The following NOS1 variants were observed in gnomAD, a reference collection of about 807,000 sequenced individuals.
The protein encoded by NOS1 is NOS type I.
Under a neutral mutation model 164.5 loss-of-function variants are expected in NOS1, and 51 were observed. That is an observed-to-expected ratio of 0.31 (90% CI 0.25 to 0.39). The LOEUF (loss-of-function observed/expected upper bound fraction) is 0.39. NOS1 is among the 10% of genes least tolerant of loss of function. The probability of loss-of-function intolerance (pLI) is 1.00; values close to 1 mark genes in which losing one functional copy is unlikely to be tolerated. For synonymous variants in NOS1, 719 were observed against 745.8 expected, an observed-to-expected ratio of 0.96 and a Z score of 0.59; for missense variants, 1,362 against 1,885.6, an observed-to-expected ratio of 0.72 and a Z score of 5.14.
intron 16 of NOS1, among the ~76,000 whole-genome samples, chr12:117,256,584 G>A (rs1871476603): frequency 6.6e-6 from 1 of 151,746 alleles, no homozygotes; most frequent in Admixed American, 6.6e-5. Flanking sequence ...GGCCTCAGAA[G>A]GGATTTTCTG....
At position 117,360,331 on chromosome 12, in the gene NOS1, G is replaced by C. The variant is rs557845635; in HGVS notation, c.-421+1181C>G. Reference sequence around the variant, plus strand: ...GAGAGCCCCTTCCGGGACCTCGGACGCAAGGCCCCTGAGTGGCCCTGGAAG... The same window carrying C: ...GAGAGCCCCTTCCGGGACCTCGGACCCAAGGCCCCTGAGTGGCCCTGGAAG... On this transcript the variant is annotated intron_variant, in intron 1 of 28. Transcript: ENST00000317775. 5.9e-5 allele frequency among the ~76,000 whole-genome samples: 9 copies of C among 152,236 alleles called. No homozygotes were observed. The South Asian group carries it at 1.9e-3, about 32-fold the overall frequency.
intron 3 of NOS1, among the ~76,000 whole-genome samples, chr12:117,299,650 G>GA (rs1347905279): frequency 5.2e-5 from 7 of 133,722 alleles, no homozygotes; most frequent in Non-Finnish European, 9.2e-5. Context: ...AAAAAAAAAA[G>GA]AAAAAAAGAA....
At chr12:117,288,810 G>A (rs1872867930) in intron 4 of NOS1, among the ~76,000 whole-genome samples, 2 of 152,102 alleles carry the variant, frequency 1.3e-5, no homozygotes, top group African/African-American at 4.8e-5. Flanking sequence ...GCAACTACAT[G>A]TGAACAAGCC....
In NOS1 at chr12:117,225,120, A is replaced by T; in HGVS notation, c.3722T>A (p.Leu1241Gln). 1.2e-6 allele frequency: 2 copies of T among 1,613,398 alleles called. No individual in the cohort carries two copies. The highest frequency in any genetic ancestry group is 1.7e-6 in the Non-Finnish European group (2 of 1,179,606). Residue 1241 changes from leucine to glutamine, a missense_variant, in exon 25 of 29, where the codon CTG becomes CAG. Physicochemically the swap from Leu to Gln is moderately radical, Grantham distance 113. Coordinates refer to ENST00000317775, the MANE Select transcript of NOS1 (RefSeq NM_000620.5). ...GCAGGGGACTTGGGGGTTCCGGGGCAGGTGGAAGCTGGGTGCTCTGGGCAA... is the reference window on the plus strand; with the variant it reads ...GCAGGGGACTTGGGGGTTCCGGGGCTGGTGGAAGCTGGGTGCTCTGGGCAA... ...CFVRGAPSFH[L>Q]PRNPQVPCIL...
In NOS1 at chr12:117,272,640, GC is replaced by G; in HGVS notation, c.1665-82del. Reference sequence around the variant, plus strand: ...AGCTTGAATCTAGAGATGCTGAAATGCCAAGGATGGACTGGGACTGACAAGG... The same window carrying G: ...AGCTTGAATCTAGAGATGCTGAAATGCAAGGATGGACTGGGACTGACAAGG... On this transcript the variant is annotated intron_variant, in intron 9 of 28. Coordinates refer to ENST00000317775, the MANE Select transcript of NOS1 (RefSeq NM_000620.5). The surrounding 1 kb of genome is among the most constrained non-coding windows in gnomAD (Gnocchi z 4.3). 1 of 1,346,874 alleles carries G rather than the reference GC, an allele frequency of 7.4e-7. No individual in the cohort carries two copies. Among genetic ancestry groups the G allele is most frequent in the East Asian group, 2.3e-5 (1 of 42,950 alleles). 83.4% of individuals were successfully genotyped at this position (1,346,874 alleles called of 1,614,324 possible).
chr12:117,356,032 G>A lies in NOS1; in HGVS notation c.-421+5480C>T, dbSNP rs575693561. ...CTCCCAAAGTGTTGGGATTACAGGC[G>A]TGAGCCACTGTGTCTGGCTGGCTCT... is the stretch of plus-strand genomic sequence containing the variant. On this transcript the variant is annotated intron_variant, in intron 1 of 28. Transcript: ENST00000317775. The surrounding 1 kb of genome is among the most constrained non-coding windows in gnomAD (Gnocchi z 4.2). Among the ~76,000 whole-genome samples the A allele has an allele frequency of 5.3e-5, 8 of 152,300 alleles. No homozygotes were observed. The South Asian group carries it at 6.2e-4, about 12-fold the overall frequency.
chr12:117,330,741 G>A lies in NOS1; in HGVS notation c.329C>T (p.Thr110Ile). 5 of 1,614,080 alleles carry A rather than the reference G, an allele frequency of 3.1e-6. No individual in the cohort carries two copies. The highest frequency in any genetic ancestry group is 4.2e-6 in the Non-Finnish European group (5 of 1,179,984). Residue 110 changes from threonine to isoleucine, a missense_variant, in exon 2 of 29, where the codon ACC becomes ATC. This residue lies in a region of NOS1 where 362 missense variants were observed against 402.0 expected (regional missense o/e 0.90). Transcript: ENST00000317775. This position sits in a 1 kb window ranked among gnomAD's most constrained non-coding sequence, Gnocchi z 4.6. ...CTTGGGGGTCCCATCACCTGTAAAG[G>A]TGGTCTCCAGGTGCGTGGTGAAACC... is the stretch of plus-strand genomic sequence containing the variant. ...PEGFTTHLET[T>I]FTGDGTPKTI...
Position 117,209,670 on chromosome 12 carries a change from G to A in NOS1, c.*5639C>T, listed in dbSNP as rs1003366156. 1 of 985,344 alleles carries A rather than the reference G, an allele frequency of 1.0e-6. No individual in the cohort carries two copies. The highest frequency in any genetic ancestry group is 1.2e-6 in the Non-Finnish European group (1 of 829,948). The allele number at this position is 985,344 out of a possible 1,614,324, so 61.0% of individuals were successfully genotyped here. On this transcript the variant is annotated 3_prime_UTR_variant, in exon 29 of 29. Coordinates refer to ENST00000317775, the MANE Select transcript of NOS1 (RefSeq NM_000620.5). ...ACAGCTGACCACCTCCCTCGCACAT[G>A]GCTTTGATAAGTATTAATAGGAAAC...
At chr12:117,336,829 C>T (rs1246588376) in intron 1 of NOS1, among the ~76,000 whole-genome samples, 2 of 152,154 alleles carry the variant, frequency 1.3e-5, no homozygotes, top group Admixed American at 6.5e-5. Flanking sequence ...CAGGGTCTCA[C>T]TCTGTCACCC....
chr12:117,360,166 G>T (rs957166676), intron 1 of NOS1, among the ~76,000 whole-genome samples: 2 of 151,712 alleles, frequency 1.3e-5, no homozygotes, highest in African/African-American at 2.4e-5. Context: ...CTCCTCGGCT[G>T]CCTTCTCCGT....
Position 117,227,486 on chromosome 12 carries a change from GT to G in NOS1, c.3560del (p.Asp1187AlafsTer47). 6.2e-7 allele frequency: 1 copy of G among 1,613,478 alleles called. No individual in the cohort carries two copies. Among genetic ancestry groups the G allele is most frequent in the Non-Finnish European group, 8.5e-7 (1 of 1,179,714 alleles). ...TGAGGTGCACTTCATCAGGGTACATGTCTGGGGAGGAGCTGATGGAATAGTA... is the reference window on the plus strand; with the variant it reads ...TGAGGTGCACTTCATCAGGGTACATGCTGGGGAGGAGCTGATGGAATAGTA... ...PRYYSISSSP[D>X]MYPDEVHLTV... On this transcript the variant is annotated frameshift_variant, in exon 23 of 29. Transcript: ENST00000317775. LOFTEE classifies it high-confidence loss of function.
In NOS1 at chr12:117,212,988, A is replaced by G; in HGVS notation, c.*2321T>C. The G allele has an allele frequency of 1.8e-5, 18 of 985,472 alleles. No individual in the cohort carries two copies. Among genetic ancestry groups the G allele is most frequent in the Non-Finnish European group, 2.0e-5 (17 of 829,938 alleles). The allele number at this position is 985,472 out of a possible 1,614,324, so 61.0% of individuals were successfully genotyped here. A position where few individuals can be genotyped will look rare whatever the true frequency, so the allele number is the denominator to read the frequency against. On this transcript the variant is annotated 3_prime_UTR_variant, in exon 29 of 29. Coordinates refer to ENST00000317775, the MANE Select transcript of NOS1 (RefSeq NM_000620.5). ...ACTTAAAAAAAAATCTTTCTGGAGA[A>G]GAAGGATGAATCCTGGTTTTATAAT... is the stretch of plus-strand genomic sequence containing the variant.
intron 28 of NOS1, 144 bp from the exon 29 acceptor site, chr12:117,215,468 G>A (rs890761729): frequency 3.2e-5 from 36 of 1,131,098 alleles, no homozygotes; most frequent in Non-Finnish European, 3.9e-5. Context: ...ACGGAGTTTC[G>A]CTCTGTCACC....
At chr12:117,310,671 C>A (rs985263039) in intron 3 of NOS1, among the ~76,000 whole-genome samples, 2 of 152,042 alleles carry the variant, frequency 1.3e-5, no homozygotes, top group Admixed American at 1.3e-4. Context: ...GAGACAGGGT[C>A]TCACTCTGTC....
intron 3 of NOS1, among the ~76,000 whole-genome samples, chr12:117,303,585 C>T (rs1048265570): frequency 6.6e-6 from 1 of 152,132 alleles, no homozygotes; most frequent in African/African-American, 2.4e-5. Context: ...CAAATGAAAA[C>T]ACCACTTCCC....
intron 16 of NOS1, among the ~76,000 whole-genome samples, chr12:117,258,104 A>G (rs1871609829): frequency 6.6e-6 from 1 of 152,160 alleles, no homozygotes; most frequent in South Asian, 2.1e-4. Context: ...CGCCCAGCAC[A>G]CAGTGCTTTT....
At position 117,212,094 on chromosome 12, in the gene NOS1, C is replaced by T. The variant is rs888790738; in HGVS notation, c.*3215G>A. On this transcript the variant is annotated 3_prime_UTR_variant, in exon 29 of 29. Transcript: ENST00000317775. ...AAAAAATAGATTCTAACCTTCTGCA[C>T]GAGAGGAACTGTGTTTTGCTTATCT... 125 of 984,736 alleles carry T rather than the reference C, an allele frequency of 1.3e-4. No homozygotes were observed. The highest frequency in any genetic ancestry group is 1.4e-4 in the Non-Finnish European group (117 of 829,634). The allele number at this position is 984,736 out of a possible 1,614,324, so 61.0% of individuals were successfully genotyped here.
chr12:117,293,878 T>C (rs368907250), intron 3 of NOS1, among the ~76,000 whole-genome samples: 2 of 152,110 alleles, frequency 1.3e-5, no homozygotes, highest in East Asian at 1.9e-4. Flanking sequence ...CATGTTTCCC[T>C]AGGAAGTTGG....
intron 3 of NOS1, among the ~76,000 whole-genome samples, chr12:117,301,430 T>C (rs1488657989): frequency 6.6e-6 from 1 of 152,158 alleles, no homozygotes; most frequent in African/African-American, 2.4e-5. Context: ...CTGGCCTTCA[T>C]TTCATTTTGA....
Sources: gnomAD v4.1 joint callset for allele counts (sites outside exome capture counted in the v4.1 genomes callset) on GRCh38, gnomAD v4.1.1 for gene constraint, gnomAD v4.1.1 regional missense constraint, Gnocchi (gnomAD v3.1) non-coding constraint, MANE v1.5 for transcripts, NCBI Gene and HGNC (gene_info 2026-07-23, HGNC 2026-07-21) for gene names.